ZFPM1: variants seen among roughly 807,000 people sequenced by gnomAD.
ZFPM1 encodes zinc finger protein, FOG family member 1, also known as zinc finger protein ZFPM1.
In ZFPM1, 28 loss-of-function variants were observed where a neutral mutation model predicts 46.3. The ratio of observed to expected loss-of-function variants is 0.60; its 90% confidence interval spans 0.45 to 0.83. The LOEUF is 0.83. Among genes scored for constraint, ZFPM1 ranks in the 40% least tolerant of loss-of-function variants. The pLI is 0.00. For missense variants in ZFPM1, 1,878 were observed against 1,432.4 expected (o/e 1.31, Z -5.02); for synonymous variants, 957 against 675.9 (o/e 1.42, Z -6.45).
chr16:88,513,575 G>T (rs1423975035), intron 3 of ZFPM1, among the ~76,000 whole-genome samples: 1 of 152,248 alleles, frequency 6.6e-6, no homozygotes, highest in African/African-American at 2.4e-5. Flanking sequence ...TGTGGCCTGG[G>T]AGGAGCCACG....
intron 6 of ZFPM1, among the ~76,000 whole-genome samples, chr16:88,530,237 G>A (rs931510140): frequency 1.3e-5 from 2 of 152,176 alleles, no homozygotes; most frequent in Admixed American, 6.5e-5. Context: ...GCTGGTGAGG[G>A]TCCCGTCCTC....
At chr16:88,485,270 T>A (rs547920463) in intron 1 of ZFPM1, among the ~76,000 whole-genome samples, 71 of 152,022 alleles carry the variant, frequency 4.7e-4, no homozygotes, top group Non-Finnish European at 1.0e-4. Context: ...CCCCTGGTGC[T>A]GGGGGGAGCA....
At chr16:88,476,427 G>GAGGGCCGCCAAGTGGC (rs967260042) in intron 1 of ZFPM1, among the ~76,000 whole-genome samples, 2 of 152,188 alleles carry the variant, frequency 1.3e-5, no homozygotes, top group Non-Finnish European at 2.9e-5. Flanking sequence ...GGGAGGGAGA[G>GAGGGCCGCCAAGTGGC]AGGGCCGCCA....
intron 3 of ZFPM1, chr16:88,489,359 C>G (rs995230940): frequency 1.3e-6 from 1 of 772,048 alleles, no homozygotes; most frequent in African/African-American, 1.8e-5. Context: ...AATCCCGGGC[C>G]TCACGTGGTG....
chr16:88,459,078 G>A (rs55767424), intron 1 of ZFPM1, among the ~76,000 whole-genome samples: 20,363 of 152,270 alleles, frequency 0.13, 1,738 homozygotes, highest in Non-Finnish European at 0.2. Context: ...TGTGCAAGTC[G>A]AGACTTGGGT....
intron 1 of ZFPM1, among the ~76,000 whole-genome samples, chr16:88,470,110 G>C (rs1390454099): frequency 6.6e-6 from 1 of 152,162 alleles, no homozygotes; most frequent in Non-Finnish European, 1.5e-5. Context: ...CGGAGAAAAA[G>C]CCAGGGCCTC....
At chr16:88,515,821 T>G (rs929245838) in intron 4 of ZFPM1, among the ~76,000 whole-genome samples, 4 of 152,148 alleles carry the variant, frequency 2.6e-5, no homozygotes, top group African/African-American at 9.7e-5. Flanking sequence ...GGGCGTGAGC[T>G]CCCCATCACT....
chr16:88,515,408 G>T (rs1051539629), intron 4 of ZFPM1, among the ~76,000 whole-genome samples: 1 of 152,250 alleles, frequency 6.6e-6, no homozygotes, highest in Non-Finnish European at 1.5e-5. Flanking sequence ...GCAGGCCCCT[G>T]CCCACTGTGA....
chr16:88,490,638 G>A (rs1044076501), intron 3 of ZFPM1, among the ~76,000 whole-genome samples: 3 of 152,304 alleles, frequency 2.0e-5, no homozygotes, highest in Non-Finnish European at 2.9e-5. Context: ...GCAGCCGCTT[G>A]TTTAACGCTG....
chr16:88,481,250 G>C (rs1908922728), intron 1 of ZFPM1, among the ~76,000 whole-genome samples: 3 of 152,208 alleles, frequency 2.0e-5, no homozygotes, highest in Admixed American at 1.3e-4. Context: ...CTCCAGGCAG[G>C]TGCAGCCTTG....
intron 1 of ZFPM1, among the ~76,000 whole-genome samples, chr16:88,462,893 C>A (rs556163982): frequency 1.5e-3 from 213 of 145,668 alleles, no homozygotes; most frequent in Admixed American, 2.6e-3. Context: ...GCGATGCCAC[C>A]CAACACGGGA....
intron 1 of ZFPM1, 135 bp downstream of exon 1, chr16:88,453,813 T>G: frequency 2.1e-6 from 1 of 473,050 alleles, no homozygotes; most frequent in Non-Finnish European, 2.8e-6. Flanking sequence ...CCCCCCGCGC[T>G]GTGCCAAGCG....
chr16:88,523,457 C>G (rs1912057695), intron 4 of ZFPM1, among the ~76,000 whole-genome samples: 1 of 152,194 alleles, frequency 6.6e-6, no homozygotes, highest in Admixed American at 6.5e-5. Flanking sequence ...GCAGTGGCTC[C>G]CAGGATGGGC....
At chr16:88,472,095 T>C (rs11859757) in intron 1 of ZFPM1, among the ~76,000 whole-genome samples, 4,302 of 152,230 alleles carry the variant, frequency 0.028, 200 homozygotes, top group African/African-American at 0.098. Flanking sequence ...TGGCCGCCGG[T>C]AACCCCACCC....
chr16:88,498,043 A>T (rs974221387), intron 3 of ZFPM1, among the ~76,000 whole-genome samples: 90 of 152,254 alleles, frequency 5.9e-4, no homozygotes, highest in African/African-American at 2.1e-3. Flanking sequence ...GCTGCCCCCG[A>T]TAGCACTATT....
intron 1 of ZFPM1, among the ~76,000 whole-genome samples, chr16:88,466,790 A>C (rs555208321): frequency 6.6e-6 from 1 of 152,126 alleles, no homozygotes; most frequent in Non-Finnish European, 1.5e-5. Flanking sequence ...GGTAAATGTC[A>C]GCTCCAGTGA....
rs781609305 is a variant in ZFPM1, at chr16:88,479,037, G to A, written c.41-6902G>A. 3.3e-5 allele frequency among the ~76,000 whole-genome samples: 5 copies of A among 152,188 alleles called. No individual in the cohort carries two copies. The East Asian group carries it at 5.8e-4, about 18-fold the overall frequency. ...GGGTAGGTGGGTAGGCACAGAAGGC[G>A]CCGTCTGCTCCGGGCTCTCCCAGGC... On this transcript the variant is annotated intron_variant, in intron 1 of 9. Coordinates refer to ENST00000319555, the MANE Select transcript of ZFPM1 (RefSeq NM_153813.3).
intron 3 of ZFPM1, among the ~76,000 whole-genome samples, chr16:88,508,160 G>A (rs377330754): frequency 9.9e-5 from 15 of 152,268 alleles, no homozygotes; most frequent in East Asian, 5.8e-4. Context: ...AACCGGGTGC[G>A]GTGGCGCGCA....
chr16:88,529,867 C>T (rs1439917990), intron 6 of ZFPM1, among the ~76,000 whole-genome samples: 2 of 152,138 alleles, frequency 1.3e-5, no homozygotes, highest in East Asian at 1.9e-4. Context: ...GTAGCCAGGA[C>T]ATAATAGCCC....
Sources: gnomAD v4.1 joint callset for allele counts (sites outside exome capture counted in the v4.1 genomes callset) on GRCh38, gnomAD v4.1.1 for gene constraint, MANE v1.5 for transcripts, NCBI Gene and HGNC (gene_info 2026-07-23, HGNC 2026-07-21) for gene names.